Variants in WDPCP observed in about 807,000 individuals in gnomAD.
The protein encoded by WDPCP is WD repeat containing planar cell polarity effector, also known as WD repeat-containing and planar cell polarity effector protein fritz homolog.
In WDPCP, 71 loss-of-function variants were observed where a neutral mutation model predicts 93.1. The ratio of observed to expected loss-of-function variants is 0.76; its 90% CI spans 0.63 to 0.93. The LOEUF is 0.93. WDPCP is among the 40% of genes least tolerant of loss of function. The probability of loss-of-function intolerance (pLI) is 0.00; values close to 1 mark genes in which losing one functional copy is unlikely to be tolerated. For synonymous variants in WDPCP, 315 were observed against 315.0 expected, an observed-to-expected ratio of 1.00 and a Z score of 0.00; for missense variants, 844 against 887.4, an observed-to-expected ratio of 0.95 and a Z score of 0.62.
chr2:63,273,827 G>GCACA (rs375454800), intron 13 of WDPCP, among the ~76,000 whole-genome samples: 5 of 54,772 alleles, frequency 9.1e-5, no homozygotes, highest in Admixed American at 1.8e-4. Context: ...ACACACACAC[G>GCACA]CACACACACA....
At chr2:63,507,513 G>C (rs1015032655) in intron 1 of WDPCP, among the ~76,000 whole-genome samples, 1 of 151,948 alleles carries the variant, frequency 6.6e-6, no homozygotes, top group African/African-American at 2.4e-5. Flanking sequence ...TCACACCAAA[G>C]GATGAAATAA....
intron 13 of WDPCP, among the ~76,000 whole-genome samples, chr2:63,284,507 T>C (rs1683833954): frequency 6.6e-6 from 1 of 152,214 alleles, no homozygotes. Flanking sequence ...AAAAGGTTTC[T>C]CTTTGGTATA....
chr2:63,437,810 G>T, intron 7 of WDPCP: 1 of 1,543,120 alleles, frequency 6.5e-7, no homozygotes. Context: ...CAATGGATGA[G>T]ATGTATTTAG....
At chr2:63,387,432 C>T (rs936541590) in intron 10 of WDPCP, among the ~76,000 whole-genome samples, 14 of 151,776 alleles carry the variant, frequency 9.2e-5, no homozygotes, top group African/African-American at 3.1e-4. Context: ...AATCCAACAT[C>T]GCTTCATGTT....
At chr2:63,244,270 A>G (rs1680094271) in intron 14 of WDPCP, among the ~76,000 whole-genome samples, 1 of 152,190 alleles carries the variant, frequency 6.6e-6, no homozygotes, top group African/African-American at 2.4e-5. Context: ...AGAAGTTAGA[A>G]AAAGTTCAAA....
At chr2:63,576,479 C>T (rs567838716) in intron 1 of WDPCP, among the ~76,000 whole-genome samples, 42 of 152,214 alleles carry the variant, frequency 2.8e-4, no homozygotes, top group Non-Finnish European at 5.3e-4. Context: ...TGGGAAGGGG[C>T]ACAGAGTGCC....
chr2:63,583,672 T>C (rs1708642633), intron 1 of WDPCP, among the ~76,000 whole-genome samples: 1 of 110,532 alleles, frequency 9.0e-6, no homozygotes, highest in Non-Finnish European at 1.7e-5. Context: ...AGAGCAAGAC[T>C]CCGTTTCAAA....
Position 63,656,101 on chromosome 2 carries a change from C to G in WDPCP, n.309-5263G>C, listed in dbSNP as rs114547753. Among the ~76,000 whole-genome samples, 1,375 of 152,322 alleles carry G rather than the reference C, an allele frequency of 9.0e-3. 21 individuals are homozygous for G. The highest frequency in any genetic ancestry group is 0.032 in the African/African-American group (1,329 of 41,572). On this transcript the variant is annotated intron_variant and non_coding_transcript_variant, in intron 2 of 4. Transcript: ENST00000467687. Reference sequence around the variant, plus strand: ...TTGGCTGACATCACAGCTCCTATTTCTCTGAACTTAGAATGCAGGTACTTG... The same window carrying G: ...TTGGCTGACATCACAGCTCCTATTTGTCTGAACTTAGAATGCAGGTACTTG...
chr2:63,420,768 C>A (rs1431055083), intron 9 of WDPCP, among the ~76,000 whole-genome samples: 2 of 152,112 alleles, frequency 1.3e-5, no homozygotes, highest in African/African-American at 4.8e-5. Flanking sequence ...TTTTGCTCAA[C>A]TTATTCTTTT....
At chr2:63,230,824 T>C (rs1678802161) in intron 14 of WDPCP, among the ~76,000 whole-genome samples, 1 of 152,236 alleles carries the variant, frequency 6.6e-6, no homozygotes, top group Non-Finnish European at 1.5e-5. Flanking sequence ...TTGTAGATTC[T>C]AGATATTAGC....
chr2:63,433,212 G>A (rs1337062515), intron 9 of WDPCP, among the ~76,000 whole-genome samples: 3 of 152,096 alleles, frequency 2.0e-5, no homozygotes, highest in African/African-American at 4.8e-5. Flanking sequence ...CGCCAAATGC[G>A]GTCTGGCACG....
rs6734874 is a variant in WDPCP at position 63,618,268 on chromosome 2, T to C, written n.488+32391A>G. ...GCCAGCACAGAGTGGAATGAAGAACTGGGAAAGCTTTATCTGGAAGGTTTT... is the reference window on the plus strand; with the variant it reads ...GCCAGCACAGAGTGGAATGAAGAACCGGGAAAGCTTTATCTGGAAGGTTTT... On this transcript the variant is annotated intron_variant and non_coding_transcript_variant, in intron 3 of 4. Coordinates refer to the WDPCP transcript ENST00000467687. Among the ~76,000 whole-genome samples, 3 of 152,328 alleles carry C rather than the reference T, an allele frequency of 2.0e-5. No homozygotes were observed. The East Asian group carries it at 5.8e-4, about 29-fold the overall frequency.
At position 63,382,078 on chromosome 2, in the gene WDPCP, T is replaced by G. The variant is rs1692358790; in HGVS notation, c.1452A>C (p.Gly484=). 2 of 1,612,942 alleles carry G rather than the reference T, an allele frequency of 1.2e-6. No individual in the cohort carries two copies. The highest frequency in any genetic ancestry group is 3.3e-5 in the Admixed American group (2 of 59,834). ...AGATGATGTCTATCAGGCCCAGCTG[T>G]CCTCGAGTGAAGACGCCTATCACAA... is the stretch of plus-strand genomic sequence containing the variant. The part of the protein sequence containing the change: ...LLFKLGVFTR[G]QLGLIDIIFQ... The change falls in exon 11 of 18, where the codon GGA becomes GGC. Residue 484 remains glycine, a synonymous_variant. Coordinates refer to ENST00000272321, the MANE Select transcript of WDPCP (RefSeq NM_015910.7).
At chr2:63,661,938 G>A (rs1710231868) in intron 2 of WDPCP, among the ~76,000 whole-genome samples, 1 of 152,146 alleles carries the variant, frequency 6.6e-6, no homozygotes, top group South Asian at 2.1e-4. Context: ...TATATATGTT[G>A]TGCATAGGGA....
chr2:63,201,549 T>C (rs1051331660), intron 14 of WDPCP, among the ~76,000 whole-genome samples: 14 of 152,324 alleles, frequency 9.2e-5, no homozygotes, highest in African/African-American at 3.4e-4. Flanking sequence ...TTGTACTTTA[T>C]AATATCAATT....
intron 3 of WDPCP, among the ~76,000 whole-genome samples, chr2:63,642,235 AGTTGG>A (rs1191651977): frequency 6.6e-6 from 1 of 152,024 alleles, no homozygotes; most frequent in Admixed American, 6.6e-5. Context: ...TATAATTTGA[AGTTGG>A]GTAACGTAAT....
intron 1 of WDPCP, among the ~76,000 whole-genome samples, chr2:63,564,993 A>T (rs980069162): frequency 1.3e-5 from 2 of 152,114 alleles, no homozygotes; most frequent in Non-Finnish European, 2.9e-5. Flanking sequence ...TAGCCAGGAT[A>T]GTCTTGATCT....
chr2:63,451,572 G>A (rs1327030787), intron 6 of WDPCP, among the ~76,000 whole-genome samples: 7 of 152,138 alleles, frequency 4.6e-5, no homozygotes, highest in African/African-American at 1.7e-4. Flanking sequence ...GAAAAAGAGG[G>A]AATCCTCCCT....
chr2:63,835,867 T>G, the WDPCP span, among the ~76,000 whole-genome samples: 1 of 151,942 alleles, frequency 6.6e-6, no homozygotes, highest in Admixed American at 6.5e-5. Flanking sequence ...TTTATTTTTA[T>G]TTTTTGAGAC....
Sources: gnomAD v4.1 joint callset for allele counts (sites outside exome capture counted in the v4.1 genomes callset) on GRCh38, gnomAD v4.1.1 for gene constraint, MANE v1.5 for transcripts, NCBI Gene and HGNC (gene_info 2026-07-23, HGNC 2026-07-21) for gene names.